The following SPATA1 variants were observed in gnomAD, a reference collection of about 807,000 sequenced individuals.
SPATA1 encodes the protein spermatogenesis-associated protein 1.
SPATA1 carries 57 observed loss-of-function variants against 59.6 expected under a neutral mutation model. That is an observed-to-expected ratio of 0.96 (90% confidence interval 0.77 to 1.19). SPATA1 has a LOEUF of 1.19. SPATA1 is among the 50% of genes most tolerant of loss of function. The pLI, the probability that SPATA1 is intolerant of heterozygous loss-of-function variation, is 0.00. For synonymous variants in SPATA1, 147 were observed against 163.9 expected (o/e 0.90, Z 0.79); for missense variants, 448 against 480.7 (o/e 0.93, Z 0.64).
chr1:84,557,753 G>A (rs892596551), downstream of SPATA1, among the ~76,000 whole-genome samples: 1 of 151,024 alleles, frequency 6.6e-6, no homozygotes, highest in Non-Finnish European at 1.5e-5. Flanking sequence ...AGCTACTTGG[G>A]AGGCTAAGGC....
chr1:84,543,620 A>C (rs1683983333), intron 8 of SPATA1, among the ~76,000 whole-genome samples: 1 of 152,166 alleles, frequency 6.6e-6, no homozygotes. Flanking sequence ...CCCATGATAC[A>C]ATCACCTCCC....
At chr1:84,524,967 G>GTGTTT (rs140288977) in intron 4 of SPATA1, among the ~76,000 whole-genome samples, 5,611 of 151,878 alleles carry the variant, frequency 0.037, 349 homozygotes, top group African/African-American at 0.13. Flanking sequence ...CTCAGTATTT[G>GTGTTT]TGTTTTGTTT....
chr1:84,517,148 C>T (rs1682829814), intron 2 of SPATA1, among the ~76,000 whole-genome samples: 1 of 152,134 alleles, frequency 6.6e-6, no homozygotes, highest in Admixed American at 6.5e-5. Flanking sequence ...ACAGTTGACA[C>T]CATTAATCAC....
At chr1:84,526,258 T>A (rs901440184) in intron 6 of SPATA1, 185 bp downstream of exon 6, 1 of 494,648 alleles carries the variant, frequency 2.0e-6, no homozygotes, top group African/African-American at 1.9e-5. Flanking sequence ...AGAAAACAAT[T>A]TAAGTACTAT....
intron 1 of SPATA1, among the ~76,000 whole-genome samples, chr1:84,510,307 AG>A (rs1391426385): frequency 2.0e-5 from 3 of 152,244 alleles, no homozygotes; most frequent in African/African-American, 7.2e-5. Flanking sequence ...TCAACTATAT[AG>A]GAAAAAAATC....
At chr1:84,533,683 C>G in intron 7 of SPATA1, 26 bp from the exon 8 acceptor site, 1 of 1,524,428 alleles carries the variant, frequency 6.6e-7, no homozygotes, top group Non-Finnish European at 8.9e-7. Flanking sequence ...GTTTTAATGA[C>G]TTTCAAACCT....
chr1:84,558,164 C>A (rs1041177140), downstream of SPATA1, among the ~76,000 whole-genome samples: 3 of 151,970 alleles, frequency 2.0e-5, no homozygotes, highest in Non-Finnish European at 4.4e-5. Flanking sequence ...GTGTTCTTAC[C>A]ATTTAAAAAA....
intron 10 of SPATA1, among the ~76,000 whole-genome samples, chr1:84,547,275 C>A (rs1330212207): frequency 6.6e-6 from 1 of 152,194 alleles, no homozygotes; most frequent in Non-Finnish European, 1.5e-5. Flanking sequence ...TACTTCCCCT[C>A]TTTGTGCCTC....
At chr1:84,529,857 T>C (rs1180116130) in intron 6 of SPATA1, among the ~76,000 whole-genome samples, 1 of 147,330 alleles carries the variant, frequency 6.8e-6, no homozygotes, top group East Asian at 2.0e-4. Flanking sequence ...AAGCCTAAAC[T>C]CTTTTTTTTT....
intron 6 of SPATA1, among the ~76,000 whole-genome samples, chr1:84,531,104 G>A (rs544714637): frequency 2.8e-4 from 43 of 152,176 alleles, no homozygotes; most frequent in African/African-American, 9.9e-4. Flanking sequence ...CAGCTGGTAC[G>A]TCCATTTTTT....
intron 1 of SPATA1, among the ~76,000 whole-genome samples, chr1:84,509,290 T>G (rs1682429816): frequency 6.6e-6 from 1 of 152,058 alleles, no homozygotes; most frequent in African/African-American, 2.4e-5. Context: ...ACTCGTTTTT[T>G]ACGAAGGTGC....
chr1:84,557,431 G>A (rs1286269224), downstream of SPATA1, among the ~76,000 whole-genome samples: 4 of 150,664 alleles, frequency 2.7e-5, no homozygotes, highest in South Asian at 4.2e-4. Context: ...TACTCAGGAC[G>A]CTGAGGCAGG....
At chr1:84,525,801 C>G in intron 5 of SPATA1, 44 bp from the exon 6 acceptor site, 1 of 1,606,676 alleles carries the variant, frequency 6.2e-7, no homozygotes, top group Admixed American at 1.7e-5. Context: ...TAGAGCACTG[C>G]TTTTAATTGC....
intron 12 of SPATA1, chr1:84,551,399 T>C (rs1228133442): frequency 4.3e-5 from 27 of 621,864 alleles, no homozygotes; most frequent in Non-Finnish European, 4.0e-6. Context: ...AATAAAAAAA[T>C]AGAATTAGCA....
At chr1:84,512,401 A>G (rs902676267) in intron 1 of SPATA1, among the ~76,000 whole-genome samples, 1 of 152,218 alleles carries the variant, frequency 6.6e-6, no homozygotes, top group African/African-American at 2.4e-5. Flanking sequence ...CTCCCAATCA[A>G]TGTGATTACC....
intron 2 of SPATA1, among the ~76,000 whole-genome samples, chr1:84,516,695 T>A (rs1186645416): frequency 6.6e-6 from 1 of 152,210 alleles, no homozygotes; most frequent in African/African-American, 2.4e-5. Flanking sequence ...GCAGTCATGA[T>A]CACTCCTTTG....
At position 84,533,798 on chromosome 1, in the gene SPATA1, T is replaced by C. The variant is rs928940791; in HGVS notation, c.717+32T>C. 17 of 1,257,380 alleles carry C rather than the reference T, an allele frequency of 1.4e-5. No individual in the cohort carries two copies. In the Middle Eastern group the frequency reaches 2.2e-3, roughly 164 times the overall value. The allele number at this position is 1,257,380 out of a possible 1,614,324, so 77.9% of individuals were successfully genotyped here. ...TTTAAAATTTTTTGTTTAAACATGG[T>C]ATTGCAACATCATAATATTTTTACT... On this transcript the variant is annotated intron_variant, in intron 8 of 12. Transcript: ENST00000490879.
chr1:84,546,553 G>T (rs1684092640), intron 10 of SPATA1, among the ~76,000 whole-genome samples: 1 of 151,472 alleles, frequency 6.6e-6, no homozygotes, highest in South Asian at 2.1e-4. Flanking sequence ...GCCTAAATTA[G>T]ATGGAAGAGA....
At chr1:84,532,902 A>G in exon 7 of SPATA1, 2 of 1,552,276 alleles carry the variant, frequency 1.3e-6, no homozygotes, top group East Asian at 4.9e-5. Context: ...ATTGCAAAAA[A>G]TCAAATTGGA....
Sources: allele counts gnomAD v4.1 joint callset (sites outside exome capture counted in the v4.1 genomes callset), GRCh38; gene constraint gnomAD v4.1.1; transcripts MANE v1.5; gene names NCBI Gene and HGNC (gene_info 2026-07-23, HGNC 2026-07-21).